CDH18: variants seen among roughly 807,000 people sequenced by gnomAD.
CDH18 encodes the protein cadherin-18.
Under a neutral mutation model 67.9 loss-of-function variants are expected in CDH18, and 31 were observed. That is an observed-to-expected ratio of 0.46 (90% CI 0.34 to 0.62). CDH18 has a LOEUF of 0.62. Ranked by LOEUF, CDH18 falls within the 20% of genes least tolerant of loss-of-function variation. The probability of loss-of-function intolerance (pLI) is 0.01; values close to 1 mark genes in which losing one functional copy is unlikely to be tolerated. For synonymous variants in CDH18, 362 were observed against 347.2 expected (o/e 1.04, Z -0.48); for missense variants, 890 against 975.5 (o/e 0.91, Z 1.17).
intron 1 of CDH18, among the ~76,000 whole-genome samples, chr5:20,573,311 A>G (rs1758912263): frequency 6.6e-6 from 1 of 151,996 alleles, no homozygotes; most frequent in Admixed American, 6.6e-5. Flanking sequence ...TAAAATTTTA[A>G]TGGTCTCATA....
chr5:19,743,824 G>C (rs1478465075), intron 4 of CDH18, among the ~76,000 whole-genome samples: 2 of 151,120 alleles, frequency 1.3e-5, no homozygotes, highest in African/African-American at 4.9e-5. Flanking sequence ...GGGAGGCTGA[G>C]GCATGAGAAT....
At chr5:20,081,727 A>G (rs961590987) in intron 2 of CDH18, among the ~76,000 whole-genome samples, 1 of 152,150 alleles carries the variant, frequency 6.6e-6, no homozygotes, top group Non-Finnish European at 1.5e-5. Context: ...CTCACTTACA[A>G]GTGGGAGCTA....
At chr5:20,280,560 G>C (rs1220624195) in intron 1 of CDH18, among the ~76,000 whole-genome samples, 1 of 152,156 alleles carries the variant, frequency 6.6e-6, no homozygotes, top group East Asian at 1.9e-4. Context: ...TGGCTGCATA[G>C]TATTCCATGG....
intron 1 of CDH18, among the ~76,000 whole-genome samples, chr5:20,514,311 TAC>T (rs1348915439): frequency 6.6e-6 from 1 of 152,142 alleles, no homozygotes; most frequent in Non-Finnish European, 1.5e-5. Context: ...AAGCGGTGTG[TAC>T]AGATTACATG....
chr5:20,032,456 A>G lies in CDH18; in HGVS notation c.-517-40442T>C, dbSNP rs184603637. 1.1e-4 allele frequency among the ~76,000 whole-genome samples: 16 copies of G among 152,200 alleles called. No homozygotes were observed. The East Asian group carries it at 3.1e-3, about 29-fold the overall frequency. On this transcript the variant is annotated intron_variant, in intron 2 of 14. Transcript: ENST00000507958. ...AAAATCATCCCAGCTGAGTAGAAATAGTAATAATATATATGAAATCAAGAT... is the reference window on the plus strand; with the variant it reads ...AAAATCATCCCAGCTGAGTAGAAATGGTAATAATATATATGAAATCAAGAT...
intron 2 of CDH18, among the ~76,000 whole-genome samples, chr5:19,912,572 C>T (rs1791273230): frequency 6.6e-6 from 1 of 152,086 alleles, no homozygotes; most frequent in African/African-American, 2.4e-5. Flanking sequence ...GAATGTTATT[C>T]CATTTGCAAG....
chr5:19,744,540 AT>A (rs1162421708), intron 4 of CDH18, among the ~76,000 whole-genome samples: 1 of 150,566 alleles, frequency 6.6e-6, no homozygotes, highest in Non-Finnish European at 1.5e-5. Context: ...ACACACACAC[AT>A]CTATTCCAGA....
chr5:19,517,095 C>A (rs1440851876), intron 10 of CDH18, among the ~76,000 whole-genome samples: 1 of 152,006 alleles, frequency 6.6e-6, no homozygotes. Flanking sequence ...TACACTTTCA[C>A]CAATGATGTA....
intron 1 of CDH18, among the ~76,000 whole-genome samples, chr5:20,475,286 A>ATT (rs112011491): frequency 0.055 from 8,304 of 151,580 alleles, 753 homozygotes; most frequent in African/African-American, 0.19. Context: ...GCATTTGCTG[A>ATT]TTTTTTTTTA....
chr5:19,729,198 C>T (rs528495947), intron 4 of CDH18, among the ~76,000 whole-genome samples: 14 of 80,270 alleles, frequency 1.7e-4, no homozygotes, highest in African/African-American at 5.9e-4. Context: ...TATTCTGTTC[C>T]ATAAATGGAA....
chr5:20,241,473 G>C (rs1742890231), intron 2 of CDH18, among the ~76,000 whole-genome samples: 1 of 152,176 alleles, frequency 6.6e-6, no homozygotes, highest in Non-Finnish European at 1.5e-5. Flanking sequence ...TGATGTTGCA[G>C]AGGTGCTCTG....
chr5:20,502,878 T>A (rs1324175761), intron 1 of CDH18, among the ~76,000 whole-genome samples: 3 of 152,140 alleles, frequency 2.0e-5, no homozygotes, highest in African/African-American at 4.8e-5. Context: ...GAACCTTAAG[T>A]GATCTTAGAA....
intron 1 of CDH18, among the ~76,000 whole-genome samples, chr5:20,566,360 C>CTTTTTTTTTTTTTTTTTTTTT (rs529048391): frequency 1.7e-5 from 2 of 119,268 alleles, no homozygotes; most frequent in Non-Finnish European, 3.4e-5. Flanking sequence ...TTTTCTTTTT[C>CTTTTTTTTTTTTTTTTTTTTT]TTTTTTTTTT....
chr5:20,106,142 A>G (rs1425676065), intron 2 of CDH18, among the ~76,000 whole-genome samples: 2 of 152,136 alleles, frequency 1.3e-5, no homozygotes, highest in Non-Finnish European at 2.9e-5. Context: ...GGTTGTGTCA[A>G]CAGTTCCCAA....
intron 11 of CDH18, among the ~76,000 whole-genome samples, chr5:19,494,170 T>A (rs1457449235): frequency 1.3e-5 from 2 of 152,206 alleles, no homozygotes; most frequent in African/African-American, 2.4e-5. Flanking sequence ...CTCTTAAATC[T>A]ATATTTTTCT....
chr5:19,504,385 T>C (rs562715462), intron 10 of CDH18, among the ~76,000 whole-genome samples: 2 of 152,188 alleles, frequency 1.3e-5, no homozygotes, highest in African/African-American at 4.8e-5. Flanking sequence ...CTTCTTGATT[T>C]CCCTCCATAT....
intron 1 of CDH18, among the ~76,000 whole-genome samples, chr5:20,523,462 C>A (rs1561092685): frequency 6.6e-6 from 1 of 152,126 alleles, no homozygotes; most frequent in South Asian, 2.1e-4. Context: ...GACAACCTGC[C>A]TTCAATGTAA....
intron 12 of CDH18, among the ~76,000 whole-genome samples, chr5:19,482,623 T>C (rs1444364486): frequency 2.0e-5 from 3 of 152,080 alleles, no homozygotes; most frequent in Non-Finnish European, 2.9e-5. Context: ...ATTTATATAT[T>C]TAAGGTGTGC....
chr5:20,004,889 T>A (rs1479549757), intron 2 of CDH18, among the ~76,000 whole-genome samples: 1 of 151,832 alleles, frequency 6.6e-6, no homozygotes. Flanking sequence ...AAAAGTAAAT[T>A]TGAAGACCCA....
Sources: gnomAD v4.1 joint callset for allele counts (sites outside exome capture counted in the v4.1 genomes callset) on GRCh38, gnomAD v4.1.1 for gene constraint, MANE v1.5 for transcripts, NCBI Gene and HGNC (gene_info 2026-07-23, HGNC 2026-07-21) for gene names.